The following SNX29 variants were observed in gnomAD, a reference collection of about 807,000 sequenced individuals.
SNX29 encodes sorting nexin-29.
SNX29 carries 78 observed loss-of-function variants against 102.1 expected under a neutral mutation model. The observed-to-expected ratio is 0.76, with a 90% CI of 0.64 to 0.92. SNX29 has a LOEUF of 0.92. SNX29 is among the 40% of genes least tolerant of loss of function. The probability of loss-of-function intolerance (pLI) is 0.00; values close to 1 mark genes in which losing one functional copy is unlikely to be tolerated. For missense variants in SNX29, 1,280 were observed against 1,061.7 expected (o/e 1.21, Z -2.86); for synonymous variants, 580 against 414.5 (o/e 1.40, Z -4.85).
intron 14 of SNX29, among the ~76,000 whole-genome samples, chr16:12,224,502 G>A (rs1187682922): frequency 1.3e-5 from 2 of 152,184 alleles, no homozygotes; most frequent in African/African-American, 4.8e-5. Context: ...TGCAGCTGGA[G>A]CACCGTGTGG....
intron 14 of SNX29, among the ~76,000 whole-genome samples, chr16:12,235,022 C>G (rs916253424): frequency 6.6e-6 from 1 of 152,084 alleles, no homozygotes; most frequent in East Asian, 1.9e-4. Context: ...CTTTCCCTGT[C>G]TCTCTCTGTC....
At chr16:12,554,491 C>G (rs1257504108) in intron 20 of SNX29, among the ~76,000 whole-genome samples, 1 of 151,250 alleles carries the variant, frequency 6.6e-6, no homozygotes, top group Admixed American at 6.8e-5. Flanking sequence ...GGAGTGGTTT[C>G]CAAGCTTCCT....
intron 13 of SNX29, among the ~76,000 whole-genome samples, chr16:12,170,961 A>G (rs549040496): frequency 6.6e-6 from 1 of 152,124 alleles, no homozygotes; most frequent in South Asian, 2.1e-4. Context: ...GCCCAGGAGA[A>G]AAATCCCGGC....
At chr16:12,519,346 A>G (rs1014893649) in intron 19 of SNX29, among the ~76,000 whole-genome samples, 2 of 152,196 alleles carry the variant, frequency 1.3e-5, no homozygotes, top group African/African-American at 4.8e-5. Flanking sequence ...TCAACCTATT[A>G]AAGAATGGAT....
chr16:12,220,837 A>C (rs1792162889), intron 14 of SNX29, among the ~76,000 whole-genome samples: 1 of 152,174 alleles, frequency 6.6e-6, no homozygotes, highest in South Asian at 2.1e-4. Flanking sequence ...ACATATTCTT[A>C]GGCTGGCTAT....
chr16:12,135,638 T>C, intron 13 of SNX29: 1 of 1,336,870 alleles, frequency 7.5e-7, no homozygotes, highest in Non-Finnish European at 9.9e-7. Flanking sequence ...CAACAGTTCC[T>C]GATAGTCTCA....
At chr16:12,255,203 T>A (rs1432784227) in intron 14 of SNX29, among the ~76,000 whole-genome samples, 1 of 152,170 alleles carries the variant, frequency 6.6e-6, no homozygotes, top group Non-Finnish European at 1.5e-5. Flanking sequence ...CCTGTATTTT[T>A]TTATTTTTTT....
intron 20 of SNX29, among the ~76,000 whole-genome samples, chr16:12,565,315 C>G (rs1016192390): frequency 6.6e-6 from 1 of 152,220 alleles, no homozygotes; most frequent in Non-Finnish European, 1.5e-5. Flanking sequence ...TTCAAGTCCA[C>G]TGTGCTCAGC....
At chr16:11,979,902 A>G (rs1253814745) in intron 1 of SNX29, among the ~76,000 whole-genome samples, 1 of 152,092 alleles carries the variant, frequency 6.6e-6, no homozygotes, top group Non-Finnish European at 1.5e-5. Context: ...TCAGCCCCAC[A>G]AAGTGCTGGG....
chr16:11,978,950 AAAAG>A lies in SNX29; in HGVS notation c.7+2145_7+2148del, dbSNP rs1205840101. Among the ~76,000 whole-genome samples the A allele has an allele frequency of 4.6e-5, 7 of 151,838 alleles. No homozygotes were observed. In the South Asian group the frequency reaches 8.3e-4, roughly 18 times the overall value. On this transcript the variant is annotated intron_variant, in intron 1 of 20. Coordinates refer to ENST00000566228, the MANE Select transcript of SNX29 (RefSeq NM_032167.5). ...AAAACAAACAAACAAACAAAAAAACAAAAGAAAGAAAACTTTAAAATTTAATTAA... is the reference window on the plus strand; with the variant it reads ...AAAACAAACAAACAAACAAAAAAACAAAAGAAAACTTTAAAATTTAATTAA...
chr16:12,258,572 C>T (rs1318221079), intron 14 of SNX29, among the ~76,000 whole-genome samples: 7 of 152,136 alleles, frequency 4.6e-5, no homozygotes, highest in Non-Finnish European at 1.0e-4. Flanking sequence ...TGTAAGTGCT[C>T]AGCAGAACTG....
chr16:12,232,831 A>T (rs1440550478), intron 14 of SNX29, among the ~76,000 whole-genome samples: 3 of 152,190 alleles, frequency 2.0e-5, no homozygotes, highest in African/African-American at 7.2e-5. Context: ...CCTTCAAAGT[A>T]TCCTATGGAG....
chr16:12,091,014 C>G (rs1159145050), intron 11 of SNX29, among the ~76,000 whole-genome samples: 1 of 53,452 alleles, frequency 1.9e-5, no homozygotes, highest in Non-Finnish European at 3.3e-5. Flanking sequence ...GACTTCATCT[C>G]AAAAAAAAAA....
At chr16:12,487,006 C>G (rs555585889) in intron 19 of SNX29, among the ~76,000 whole-genome samples, 25 of 152,244 alleles carry the variant, frequency 1.6e-4, no homozygotes, top group African/African-American at 6.0e-4. Context: ...GAAAAAGATC[C>G]TTAAGGCTGT....
At chr16:11,990,027 C>T (rs1371273030) in intron 1 of SNX29, among the ~76,000 whole-genome samples, 2 of 152,210 alleles carry the variant, frequency 1.3e-5, no homozygotes, top group African/African-American at 4.8e-5. Context: ...TCTGTCACCT[C>T]TGAGCTGTTC....
intron 5 of SNX29, among the ~76,000 whole-genome samples, chr16:12,044,482 C>T (rs1051222517): frequency 1.3e-5 from 2 of 152,182 alleles, no homozygotes; most frequent in African/African-American, 4.8e-5. Context: ...ACACTGATGA[C>T]ACCTGTGTAC....
Position 12,290,335 on chromosome 16 carries a change from C to CT in SNX29, c.1782+12306dup, listed in dbSNP as rs542642194. 3.7e-4 allele frequency among the ~76,000 whole-genome samples: 56 copies of CT among 152,246 alleles called. 1 individual carries two copies. The highest frequency in any genetic ancestry group is 7.2e-4 in the Admixed American group (11 of 15,300). On this transcript the variant is annotated intron_variant, in intron 15 of 20. Coordinates refer to ENST00000566228, the MANE Select transcript of SNX29 (RefSeq NM_032167.5). ...GTAAGGTCCCACCTGGAACCCTGTT[C>CT]TTTTTTTATGAACCCTTTCCTGTCC...
chr16:12,279,879 C>T (rs1271174956), intron 15 of SNX29, among the ~76,000 whole-genome samples: 2 of 152,146 alleles, frequency 1.3e-5, no homozygotes, highest in Non-Finnish European at 2.9e-5. Context: ...GGTTCTGTTC[C>T]TCTGGGGGAA....
At chr16:12,460,930 C>T (rs532731893) in intron 18 of SNX29, among the ~76,000 whole-genome samples, 187 of 152,278 alleles carry the variant, frequency 1.2e-3, no homozygotes, top group African/African-American at 4.2e-3. Flanking sequence ...CGTGAGCCAC[C>T]GTACCCAGCC....
Sources: gnomAD v4.1 joint callset for allele counts (sites outside exome capture counted in the v4.1 genomes callset) on GRCh38, gnomAD v4.1.1 for gene constraint, MANE v1.5 for transcripts, NCBI Gene and HGNC (gene_info 2026-07-23, HGNC 2026-07-21) for gene names.